Variants in FNIP1 observed in about 807,000 individuals in gnomAD.
The protein encoded by FNIP1 is folliculin interacting protein 1.
FNIP1 carries 40 observed loss-of-function variants against 124.5 expected under a neutral mutation model. That is an observed-to-expected ratio of 0.32 (90% CI 0.25 to 0.42). FNIP1 has a LOEUF of 0.42. Among genes scored for constraint, FNIP1 ranks in the 10% least tolerant of loss-of-function variants. The probability of loss-of-function intolerance (pLI) is 1.00; values close to 1 mark genes in which losing one functional copy is unlikely to be tolerated. For synonymous variants in FNIP1, 472 were observed against 470.6 expected (o/e 1.00, Z -0.04); for missense variants, 1,176 against 1,403.7 (o/e 0.84, Z 2.59).
At chr5:131,664,759 T>G (rs1767544995) in intron 15 of FNIP1, among the ~76,000 whole-genome samples, 1 of 151,496 alleles carries the variant, frequency 6.6e-6, no homozygotes, top group Admixed American at 6.6e-5. Context: ...TGGGGAAATA[T>G]TCTTACATTA....
intron 15 of FNIP1, among the ~76,000 whole-genome samples, chr5:131,660,617 A>G (rs1580733506): frequency 6.6e-6 from 1 of 152,150 alleles, no homozygotes; most frequent in East Asian, 1.9e-4. Context: ...CAAGCTTTGA[A>G]GGAGATGATT....
chr5:131,686,061 TAATA>T (rs1218861477), intron 11 of FNIP1, among the ~76,000 whole-genome samples: 2 of 152,194 alleles, frequency 1.3e-5, no homozygotes, highest in African/African-American at 2.4e-5. Context: ...CCATTAGGGA[TAATA>T]AATAACCAAT....
chr5:131,697,509 A>G (rs537348020), intron 11 of FNIP1, among the ~76,000 whole-genome samples: 42 of 152,290 alleles, frequency 2.8e-4, no homozygotes, highest in African/African-American at 1.0e-3. Flanking sequence ...TTCCCTATCT[A>G]GGGTAATGAA....
chr5:131,693,333 CATATATATATATAT>C lies in FNIP1; in HGVS notation c.1202+5570_1202+5583del, dbSNP rs70974007. Among the ~76,000 whole-genome samples the C allele has an allele frequency of 3.0e-4, 15 of 50,154 alleles. 1 individual carries two copies. Among genetic ancestry groups the C allele is most frequent in the Non-Finnish European group, 4.4e-4 (11 of 24,760 alleles). The allele number at this position is 50,154 out of a possible 152,430, so 32.9% of individuals were successfully genotyped here. ...ATATATATACACATATATATATATA[CATATATATATATAT>C]ATATATATATATATAGTTACAGAGA... On this transcript the variant is annotated intron_variant, in intron 11 of 17. Coordinates refer to ENST00000510461, the MANE Select transcript of FNIP1 (RefSeq NM_133372.3).
chr5:131,743,825 T>C (rs992391456), intron 2 of FNIP1, among the ~76,000 whole-genome samples: 1 of 152,152 alleles, frequency 6.6e-6, no homozygotes, highest in African/African-American at 2.4e-5. Context: ...AACCAAAGTT[T>C]CTTGTTTAAG....
chr5:131,702,087 C>G (rs1448273342), intron 10 of FNIP1, among the ~76,000 whole-genome samples: 2 of 152,148 alleles, frequency 1.3e-5, no homozygotes, highest in Non-Finnish European at 2.9e-5. Context: ...TAGAAATGGC[C>G]TAACAGGGAA....
chr5:131,754,322 C>T (rs1770974810), intron 1 of FNIP1, among the ~76,000 whole-genome samples: 3 of 152,174 alleles, frequency 2.0e-5, no homozygotes, highest in Admixed American at 2.0e-4. Context: ...ATGACTGAGG[C>T]AAACTTACAA....
At chr5:131,724,619 G>A (rs1345121757) in intron 3 of FNIP1, among the ~76,000 whole-genome samples, 1 of 152,044 alleles carries the variant, frequency 6.6e-6, no homozygotes, top group African/African-American at 2.4e-5. Context: ...TTTGTCAGAT[G>A]GGCTAATTGC....
chr5:131,785,146 CATATATATG>C (rs1561707957), intron 1 of FNIP1, among the ~76,000 whole-genome samples: 2 of 14,252 alleles, frequency 1.4e-4, no homozygotes, highest in African/African-American at 2.8e-4. Flanking sequence ...TATATATAGT[CATATATATG>C]ATATATATGA....
At chr5:131,665,194 A>G (rs926096752) in intron 15 of FNIP1, among the ~76,000 whole-genome samples, 7 of 152,140 alleles carry the variant, frequency 4.6e-5, no homozygotes, top group Non-Finnish European at 1.0e-4. Flanking sequence ...AGGCTTTCCT[A>G]GAGTAAGTAT....
At chr5:131,723,686 C>T (rs947893237) in intron 3 of FNIP1, among the ~76,000 whole-genome samples, 1 of 152,148 alleles carries the variant, frequency 6.6e-6, no homozygotes, top group Non-Finnish European at 1.5e-5. Context: ...CAATGTTCCA[C>T]TTACCTGAAA....
chr5:131,700,146 G>A (rs1292944297), intron 10 of FNIP1, among the ~76,000 whole-genome samples: 1 of 151,574 alleles, frequency 6.6e-6, no homozygotes, highest in Non-Finnish European at 1.5e-5. Context: ...ACCATGCCCC[G>A]CTAATTTTTG....
chr5:131,747,992 C>A (rs1269815399), intron 1 of FNIP1, among the ~76,000 whole-genome samples: 1 of 151,874 alleles, frequency 6.6e-6, no homozygotes, highest in East Asian at 1.9e-4. Context: ...TAAAGATGTA[C>A]ATGGGTGCAG....
At chr5:131,788,603 A>G (rs1024721903) in intron 1 of FNIP1, among the ~76,000 whole-genome samples, 2 of 149,300 alleles carry the variant, frequency 1.3e-5, no homozygotes, top group African/African-American at 4.9e-5. Flanking sequence ...CGGGAGGCTG[A>G]GGCATAAGAA....
At chr5:131,664,260 T>C (rs1401239251) in intron 15 of FNIP1, among the ~76,000 whole-genome samples, 6 of 152,206 alleles carry the variant, frequency 3.9e-5, no homozygotes, top group Non-Finnish European at 1.5e-5. Flanking sequence ...AAAAGGTTTA[T>C]TAAAATTTTA....
At chr5:131,699,647 C>T (rs1019996444) in intron 10 of FNIP1, among the ~76,000 whole-genome samples, 1 of 151,976 alleles carries the variant, frequency 6.6e-6, no homozygotes, top group Non-Finnish European at 1.5e-5. Flanking sequence ...CCACCTCAGC[C>T]TCCCAAAGTG....
intron 13 of FNIP1, among the ~76,000 whole-genome samples, chr5:131,676,223 C>T (rs749220314): frequency 2.6e-5 from 4 of 152,104 alleles, no homozygotes; most frequent in Non-Finnish European, 5.9e-5. Context: ...CGTGTTAAGC[C>T]AGGATGGTCT....
At chr5:131,776,475 A>T (rs1771810597) in intron 1 of FNIP1, among the ~76,000 whole-genome samples, 1 of 152,256 alleles carries the variant, frequency 6.6e-6, no homozygotes, top group Non-Finnish European at 1.5e-5. Flanking sequence ...AAAATTGGAA[A>T]TAACCCTTTG....
intron 11 of FNIP1, among the ~76,000 whole-genome samples, chr5:131,694,399 A>C (rs907511516): frequency 6.6e-6 from 1 of 152,222 alleles, no homozygotes; most frequent in Non-Finnish European, 1.5e-5. Context: ...GATGAAAAGA[A>C]ATGAGCTATT....
Sources: allele counts gnomAD v4.1 joint callset (sites outside exome capture counted in the v4.1 genomes callset), GRCh38; gene constraint gnomAD v4.1.1; transcripts MANE v1.5; gene names NCBI Gene and HGNC (gene_info 2026-07-23, HGNC 2026-07-21).